The following PNLIPRP1 variants were observed in gnomAD, a reference collection of about 807,000 sequenced individuals.
The protein encoded by PNLIPRP1 is pancreatic lipase related protein 1.
PNLIPRP1 carries 57 observed loss-of-function variants against 54.6 expected under a neutral mutation model. The observed-to-expected ratio is 1.04, with a 90% confidence interval of 0.84 to 1.30. PNLIPRP1 has a LOEUF of 1.30. PNLIPRP1 is among the 50% of genes most tolerant of loss of function. PNLIPRP1 has a pLI of 0.00. For synonymous variants in PNLIPRP1, 232 were observed against 208.8 expected (o/e 1.11, Z -0.96); for missense variants, 567 against 568.5 (o/e 1.00, Z 0.03).
intron 12 of PNLIPRP1, among the ~76,000 whole-genome samples, chr10:116,607,986 G>A (rs550870277): frequency 1.3e-5 from 2 of 152,266 alleles, no homozygotes; most frequent in East Asian, 3.9e-4. Context: ...CTCCCAAGTA[G>A]CTGGGATTAC....
intron 12 of PNLIPRP1, among the ~76,000 whole-genome samples, chr10:116,605,853 A>G (rs2133242886): frequency 6.6e-6 from 1 of 152,382 alleles, no homozygotes; most frequent in Non-Finnish European, 1.5e-5. Context: ...GTACAAGTTT[A>G]TAAGTATGGG....
rs782185510 is a variant in PNLIPRP1 at position 116,591,936 on chromosome 10, TGTCA to T, written c.204+12_204+15del. On this transcript the variant is annotated intron_variant, in intron 3 of 12. Coordinates refer to ENST00000358834, the MANE Select transcript of PNLIPRP1 (RefSeq NM_006229.4). ...CCAAACAACTTTCAAGTGAGACCTC[TGTCA>T]TTTAAATGTCACTGTAACTGGCACG... 2.1e-5 allele frequency: 34 copies of T among 1,613,916 alleles called. No individual in the cohort carries two copies. The African/African-American group carries it at 3.2e-4, about 15-fold the overall frequency.
Position 116,594,634 on chromosome 10 carries a change from TAGG to T in PNLIPRP1, c.331-93_331-91del, listed in dbSNP as rs1380540552. On this transcript the variant is annotated intron_variant, in intron 4 of 12. Coordinates refer to ENST00000358834, the MANE Select transcript of PNLIPRP1 (RefSeq NM_006229.4). The stretch of plus-strand genomic sequence containing the variant: ...AGTCTAGTTTATCTCATGCCCTAGC[TAGG>T]AGAAGAGAGAAGTGGCCATTTCTGA... 13 of 1,326,892 alleles carry T rather than the reference TAGG, an allele frequency of 9.8e-6. No individual in the cohort carries two copies. In the Admixed American group the frequency reaches 2.1e-4, roughly 21 times the overall value. The allele number at this position is 1,326,892 out of a possible 1,614,324, so 82.2% of individuals were successfully genotyped here.
At chr10:116,592,275 G>A in intron 3 of PNLIPRP1, 141 bp from the exon 4 acceptor site, 2 of 892,326 alleles carry the variant, frequency 2.2e-6, no homozygotes, top group East Asian at 5.0e-5. Context: ...AGAAAAGGGA[G>A]ATCAGGGTGG....
Position 116,601,225 on chromosome 10 carries a change from C to T in PNLIPRP1, c.1063+24C>T, listed in dbSNP as rs781847508. 1.9e-6 allele frequency: 3 copies of T among 1,603,138 alleles called. No homozygotes were observed. In the Admixed American group the frequency reaches 5.2e-5, roughly 28 times the overall value. On this transcript the variant is annotated intron_variant, in intron 10 of 12. Transcript: ENST00000358834. Reference sequence around the variant, plus strand: ...TCGTAAGTTGCACTTTGACTACCTGCCCATGTAAAGAAAGTATATAGTTTC... The same window carrying T: ...TCGTAAGTTGCACTTTGACTACCTGTCCATGTAAAGAAAGTATATAGTTTC...
At chr10:116,596,587 G>A (rs577751710) in intron 6 of PNLIPRP1, among the ~76,000 whole-genome samples, 147 of 152,214 alleles carry the variant, frequency 9.7e-4, no homozygotes, top group African/African-American at 3.3e-3. Context: ...TTTTCTGGTG[G>A]TGTTCGCCTC....
Position 116,603,231 on chromosome 10 carries a change from C to T in PNLIPRP1, c.1064-799C>T, listed in dbSNP as rs557898523. Among the ~76,000 whole-genome samples the T allele has an allele frequency of 3.3e-5, 5 of 152,244 alleles. No homozygotes were observed. In the East Asian group the frequency reaches 5.8e-4, roughly 18 times the overall value. ...GAGCAGAGAGGAAACACAGTCCCCG[C>T]CCTCGAGGTGCTTGCCAGGCTGCAC... On this transcript the variant is annotated intron_variant, in intron 10 of 12. Coordinates refer to ENST00000358834, the MANE Select transcript of PNLIPRP1 (RefSeq NM_006229.4).
At chr10:116,593,436 T>C (rs928149090) in intron 4 of PNLIPRP1, among the ~76,000 whole-genome samples, 1 of 152,186 alleles carries the variant, frequency 6.6e-6, no homozygotes, top group African/African-American at 2.4e-5. Context: ...AGAATTTACC[T>C]ACCCCAGGAG....
rs112105494 is a variant in PNLIPRP1 at position 116,605,352 on chromosome 10, G to A, written c.1173-34G>A. 7.3e-4 allele frequency: 1,027 copies of A among 1,400,056 alleles called. 5 individuals are homozygous for A. In the African/African-American group the frequency reaches 1.0e-2, roughly 14 times the overall value. The allele number at this position is 1,400,056 out of a possible 1,614,324, so 86.7% of individuals were successfully genotyped here. On this transcript the variant is annotated intron_variant, in intron 11 of 12. Coordinates refer to ENST00000358834, the MANE Select transcript of PNLIPRP1 (RefSeq NM_006229.4). ...TGTATGGTAATTAGAACTCATTTCC[G>A]TGAACAGGGATGTTTATGTTTCTCT...
At chr10:116,606,399 T>C (rs1200921109) in intron 12 of PNLIPRP1, among the ~76,000 whole-genome samples, 2 of 152,048 alleles carry the variant, frequency 1.3e-5, no homozygotes, top group African/African-American at 4.8e-5. Context: ...AGGTGGTGGG[T>C]GGAACCAGGA....
chr10:116,601,001 C>T (rs1847826862), intron 9 of PNLIPRP1, 71 bp from the exon 10 acceptor site: 2 of 1,399,728 alleles, frequency 1.4e-6, no homozygotes, highest in Admixed American at 2.2e-5. Context: ...AATTGAGTGT[C>T]TGCCCTCTCA....
At chr10:116,598,582 A>T (rs1473748197) in intron 8 of PNLIPRP1, among the ~76,000 whole-genome samples, 3 of 152,258 alleles carry the variant, frequency 2.0e-5, no homozygotes, top group South Asian at 2.1e-4. Flanking sequence ...CCCTTTCAGT[A>T]GCTAGAATGA....
At chr10:116,599,905 A>C in intron 8 of PNLIPRP1, 142 bp from the exon 9 acceptor site, 1 of 684,264 alleles carries the variant, frequency 1.5e-6, no homozygotes, top group Non-Finnish European at 2.7e-6. Flanking sequence ...GTTAATTGTC[A>C]TTATGGTGGC....
chr10:116,604,799 G>A (rs533582907), intron 11 of PNLIPRP1, among the ~76,000 whole-genome samples: 9 of 145,632 alleles, frequency 6.2e-5, no homozygotes, highest in East Asian at 4.2e-4. Context: ...AGAAATTCTC[G>A]TGCCTCAGCC....
At chr10:116,608,983 A>G in intron 12 of PNLIPRP1, 70 bp from the exon 13 acceptor site, 1 of 915,978 alleles carries the variant, frequency 1.1e-6, no homozygotes, top group Non-Finnish European at 1.6e-6. Context: ...AAACCAAACC[A>G]AAACAAAACA....
At position 116,600,171 on chromosome 10, in the gene PNLIPRP1, C is replaced by A. The variant is rs782369072; in HGVS notation, c.933+6C>A. 9 of 1,571,076 alleles carry A rather than the reference C, an allele frequency of 5.7e-6. No homozygotes were observed. Among genetic ancestry groups the A allele is most frequent in the Non-Finnish European group, 7.9e-6 (9 of 1,140,726 alleles). On this transcript the variant is annotated splice_donor_region_variant and intron_variant, in intron 9 of 12. Coordinates refer to ENST00000358834, the MANE Select transcript of PNLIPRP1 (RefSeq NM_006229.4). ...CCTACAAGTCCTTTGAGTCTGTAAG[C>A]TATTGTCCTGCCTCGAGCAACAAGC...
chr10:116,593,581 T>C (rs1313847716), intron 4 of PNLIPRP1, among the ~76,000 whole-genome samples: 1 of 152,240 alleles, frequency 6.6e-6, no homozygotes, highest in African/African-American at 2.4e-5. Flanking sequence ...TTTCCTGTCC[T>C]ATCATTAATA....
intron 8 of PNLIPRP1, among the ~76,000 whole-genome samples, chr10:116,599,648 C>A (rs1317851799): frequency 7.9e-5 from 12 of 152,164 alleles, no homozygotes; most frequent in Admixed American, 5.2e-4. Flanking sequence ...CATGAGATGG[C>A]ACTAAGGTTA....
chr10:116,596,590 T>G (rs1226407029), intron 6 of PNLIPRP1, among the ~76,000 whole-genome samples: 1 of 152,180 alleles, frequency 6.6e-6, no homozygotes, highest in Admixed American at 6.5e-5. Flanking sequence ...TCTGGTGGTG[T>G]TCGCCTCTCA....
Sources: allele counts gnomAD v4.1 joint callset (sites outside exome capture counted in the v4.1 genomes callset), GRCh38; gene constraint gnomAD v4.1.1; transcripts MANE v1.5; gene names NCBI Gene and HGNC (gene_info 2026-07-23, HGNC 2026-07-21).